Variants in ACACB observed in about 807,000 individuals in gnomAD.
ACACB encodes the protein acetyl-CoA carboxylase 2.
ACACB carries 209 observed loss-of-function variants against 278.8 expected under a neutral mutation model. That is an observed-to-expected ratio of 0.75 (90% CI 0.67 to 0.84). The LOEUF (loss-of-function observed/expected upper bound fraction) is 0.84. Among genes scored for constraint, ACACB ranks in the 40% least tolerant of loss-of-function variants. The pLI, the probability that ACACB is intolerant of heterozygous loss-of-function variation, is 0.00. For missense variants in ACACB, 2,850 were observed against 3,269.0 expected, an observed-to-expected ratio of 0.87 and a Z score of 3.13; for synonymous variants, 1,174 against 1,285.6, an observed-to-expected ratio of 0.91 and a Z score of 1.86.
chr12:109,259,567 A>AC (rs1398528833), intron 47 of ACACB, among the ~76,000 whole-genome samples: 5 of 141,046 alleles, frequency 3.5e-5, no homozygotes, highest in Non-Finnish European at 3.1e-5. Context: ...CCATCTCAAA[A>AC]AAAAAAACAA....
intron 1 of ACACB, among the ~76,000 whole-genome samples, chr12:109,131,785 C>T (rs764966991): frequency 3.3e-5 from 5 of 152,120 alleles, no homozygotes; most frequent in Non-Finnish European, 7.4e-5. Flanking sequence ...GTTATTTCAG[C>T]GAAGGGCAGC....
In ACACB at chr12:109,232,823, G is replaced by T; in HGVS notation, c.4139+17G>T. 1 of 1,613,594 alleles carries T rather than the reference G, an allele frequency of 6.2e-7. No individual in the cohort carries two copies. Among genetic ancestry groups the T allele is most frequent in the Non-Finnish European group, 8.5e-7 (1 of 1,179,778 alleles). On this transcript the variant is annotated intron_variant, in intron 29 of 52. Coordinates refer to ENST00000338432, the MANE Select transcript of ACACB (RefSeq NM_001093.4). ...CTTCACCAGGTACCCAGCATGGCCC[G>T]GTCTCCAACACCCTGAGCATGGGGG...
chr12:109,148,379 C>A (rs576325785), intron 2 of ACACB, among the ~76,000 whole-genome samples: 1 of 152,284 alleles, frequency 6.6e-6, no homozygotes, highest in South Asian at 2.1e-4. Context: ...TCAAAGCTAC[C>A]TCTTCCTAGC....
chr12:109,140,347 C>CTTCCTTCCTTCT lies in ACACB; in HGVS notation c.653+293_653+294insTTCCTTCTTTCC, dbSNP rs1565857831. 2.0e-4 allele frequency among the ~76,000 whole-genome samples: 16 copies of CTTCCTTCCTTCT among 80,488 alleles called. 1 individual carries two copies. Among genetic ancestry groups the CTTCCTTCCTTCT allele is most frequent in the African/African-American group, 7.0e-4 (15 of 21,480 alleles). 52.8% of individuals were successfully genotyped at this position (80,488 alleles called of 152,430 possible). A position where few individuals can be genotyped will look rare whatever the true frequency, so the allele number is the denominator to read the frequency against. On this transcript the variant is annotated intron_variant, in intron 2 of 52. Transcript: ENST00000338432. Reference sequence around the variant, plus strand: ...CCTTCCTTCCTTCCTTCCTTCCTTCCTTCCCTCCTTTCAAAATCATTCCTT... The same window carrying CTTCCTTCCTTCT: ...CCTTCCTTCCTTCCTTCCTTCCTTCCTTCCTTCCTTCTTTCCCTCCTTTCAAAATCATTCCTT...
intron 38 of ACACB, 30 bp from the exon 39 acceptor site, chr12:109,246,149 A>G (rs779815616): frequency 8.8e-6 from 14 of 1,584,698 alleles, no homozygotes; most frequent in Non-Finnish European, 1.1e-5. Context: ...AAACAAACTC[A>G]TTTTCCTTGT....
chr12:109,192,480 A>T (rs1459376673), intron 15 of ACACB, among the ~76,000 whole-genome samples: 1 of 152,082 alleles, frequency 6.6e-6, no homozygotes, highest in Admixed American at 6.5e-5. Flanking sequence ...TGTTAGCAGC[A>T]TTCCTGGCCT....
At chr12:109,210,445 GTGTATATATGTATATATACGCACATA>G (rs2136423501) in intron 21 of ACACB, among the ~76,000 whole-genome samples, 1 of 118,412 alleles carries the variant, frequency 8.4e-6, no homozygotes, top group South Asian at 2.7e-4. Flanking sequence ...GCACATACAT[GTGTATATATGTATATATACGCACATA>G]CATGTGTATA....
At chr12:109,215,006 G>A (rs1307825467) in intron 22 of ACACB, among the ~76,000 whole-genome samples, 1 of 151,972 alleles carries the variant, frequency 6.6e-6, no homozygotes, top group Non-Finnish European at 1.5e-5. Context: ...TGAGGTGAGA[G>A]GATTGCTTGA....
chr12:109,227,330 G>T (rs753521192), intron 27 of ACACB, 41 bp from the exon 28 acceptor site: 42 of 1,564,462 alleles, frequency 2.7e-5, no homozygotes, highest in Non-Finnish European at 3.4e-5. Context: ...ACACTCTGCA[G>T]TGGCCCCTGA....
chr12:109,239,848 C>T lies in ACACB; in HGVS notation c.4681C>T (p.Leu1561=). The change falls in exon 35 of 53, where the codon CTG becomes TTG. Residue 1561 remains leucine, a synonymous_variant. Coordinates refer to ENST00000338432, the MANE Select transcript of ACACB (RefSeq NM_001093.4). ...TTGGCAGGAAGCCTCCTTCGAATAC[C>T]TGCAGAACGAGGGTGAGCGGCTGCT... ...LITKEASFEY[L]QNEGERLLLE... is the part of the protein sequence containing the mutation. The T allele has an allele frequency of 1.9e-6, 3 of 1,613,598 alleles. No individual in the cohort carries two copies. The highest frequency in any genetic ancestry group is 2.5e-6 in the Non-Finnish European group (3 of 1,179,774).
rs190324590 is a variant in ACACB, at chr12:109,120,761, C to T, written c.-10+4057C>T. Reference sequence around the variant, plus strand: ...CACACACGTGTGCCACACACGTGCACACCTGGAGCTGGAGGGCCCAGCCCG... The same window carrying T: ...CACACACGTGTGCCACACACGTGCATACCTGGAGCTGGAGGGCCCAGCCCG... On this transcript the variant is annotated intron_variant, in intron 1 of 52. Transcript: ENST00000338432. Among the ~76,000 whole-genome samples the T allele has an allele frequency of 3.3e-5, 5 of 152,272 alleles. No homozygotes were observed. The East Asian group carries it at 7.7e-4, about 24-fold the overall frequency.
At chr12:109,216,219 CT>C (rs1194453989) in intron 22 of ACACB, among the ~76,000 whole-genome samples, 394 of 128,126 alleles carry the variant, frequency 3.1e-3, no homozygotes, top group African/African-American at 8.0e-3. Context: ...CTCTCTCTCT[CT>C]TTTTTTTTTT....
rs112687707 is a variant in ACACB at position 109,170,660 on chromosome 12, A to G, written c.926-1145A>G. Among the ~76,000 whole-genome samples, 477 of 152,262 alleles carry G rather than the reference A, an allele frequency of 3.1e-3. 6 individuals are homozygous for G. The highest frequency in any genetic ancestry group is 0.011 in the African/African-American group (455 of 41,556). Reference sequence around the variant, plus strand: ...CCAAGGACATGAGGGAGGGAGAGAAAGGGAGTTGTTCATGAGTATAGAGCT... The same window carrying G: ...CCAAGGACATGAGGGAGGGAGAGAAGGGGAGTTGTTCATGAGTATAGAGCT... On this transcript the variant is annotated intron_variant, in intron 4 of 52. Coordinates refer to ENST00000338432, the MANE Select transcript of ACACB (RefSeq NM_001093.4).
intron 24 of ACACB, among the ~76,000 whole-genome samples, chr12:109,221,609 G>A (rs557274771): frequency 3.0e-4 from 46 of 152,272 alleles, no homozygotes; most frequent in Non-Finnish European, 5.7e-4. Flanking sequence ...AACCGTGAGC[G>A]CCTTAAGTCA....
At position 109,206,764 on chromosome 12, in the gene ACACB, G is replaced by A. The variant is rs144642580; in HGVS notation, c.2968G>A (p.Glu990Lys). The A allele has an allele frequency of 3.3e-5, 53 of 1,614,046 alleles. No individual in the cohort carries two copies. The highest frequency in any genetic ancestry group is 4.4e-5 in the Non-Finnish European group (52 of 1,180,044). Residue 990 changes from glutamate to lysine, a missense_variant, in exon 20 of 53, where the codon GAG becomes AAG. By Grantham distance (56) the Glu-to-Lys change is moderately conservative. Coordinates refer to ENST00000338432, the MANE Select transcript of ACACB (RefSeq NM_001093.4). ...PAQQTLPILG[E>K]KLHQVFHSVL... ...CCAGCAGACACTGCCCATCCTCGGAGAGAAACTGCACCAGGTCTTCCACAG... is the reference window on the plus strand; with the variant it reads ...CCAGCAGACACTGCCCATCCTCGGAAAGAAACTGCACCAGGTCTTCCACAG...
intron 4 of ACACB, among the ~76,000 whole-genome samples, chr12:109,170,344 T>C (rs2044069668): frequency 1.3e-5 from 2 of 151,998 alleles, no homozygotes; most frequent in African/African-American, 4.8e-5. Flanking sequence ...GGATTACAGG[T>C]GTCAGCCACC....
chr12:109,160,346 C>T (rs573299798), intron 2 of ACACB, among the ~76,000 whole-genome samples: 13 of 152,230 alleles, frequency 8.5e-5, no homozygotes, highest in Admixed American at 6.5e-4. Context: ...CTCTGAACCT[C>T]GGTTTCCTCA....
chr12:109,243,897 T>TATATATATATATATATATATATA (rs1565965174), intron 37 of ACACB, among the ~76,000 whole-genome samples: 2 of 147,440 alleles, frequency 1.4e-5, no homozygotes, highest in African/African-American at 4.9e-5. Flanking sequence ...ATATATATAT[T>TATATATATATATATATATATATA]TATTTATTTA....
At position 109,179,256 on chromosome 12, in the gene ACACB, G is replaced by A; in HGVS notation, c.1606G>A (p.Ala536Thr). The change falls in exon 10 of 53, where the codon GCC becomes ACC. Residue 536 changes from alanine to threonine, a missense_variant. By Grantham distance (58) the Ala-to-Thr change is moderately conservative (BLOSUM62 0). Coordinates refer to ENST00000338432, the MANE Select transcript of ACACB (RefSeq NM_001093.4). The stretch of plus-strand genomic sequence containing the variant: ...TCAGAAGATCGTTGAGGAAGCACCG[G>A]CCACCATCGCCCCGCTGGCCATATT... ...RHQKIVEEAP[A>T]TIAPLAIFEF... 1 of 1,613,862 alleles carries A rather than the reference G, an allele frequency of 6.2e-7. No homozygotes were observed. The highest frequency in any genetic ancestry group is 8.5e-7 in the Non-Finnish European group (1 of 1,180,016).
Sources: gnomAD v4.1 joint callset for allele counts (sites outside exome capture counted in the v4.1 genomes callset) on GRCh38, gnomAD v4.1.1 for gene constraint, MANE v1.5 for transcripts, NCBI Gene and HGNC (gene_info 2026-07-23, HGNC 2026-07-21) for gene names.